The following PXDNL variants were observed in gnomAD, a reference collection of about 807,000 sequenced individuals.
The protein encoded by PXDNL is probable oxidoreductase PXDNL.
A neutral mutation model predicts 150.8 loss-of-function variants in PXDNL; 145 were observed. The ratio of observed to expected loss-of-function variants is 0.96; its 90% CI spans 0.84 to 1.10. The LOEUF is 1.10. PXDNL is among the 50% of genes least tolerant of loss of function. PXDNL has a pLI of 0.00. For synonymous variants in PXDNL, 757 were observed against 725.7 expected, an observed-to-expected ratio of 1.04 and a Z score of -0.69; for missense variants, 2,087 against 1,873.9, an observed-to-expected ratio of 1.11 and a Z score of -2.10.
chr8:51,671,838 A>G (rs1027444283), intron 1 of PXDNL, among the ~76,000 whole-genome samples: 3 of 152,074 alleles, frequency 2.0e-5, no homozygotes, highest in Non-Finnish European at 4.4e-5. Context: ...CCTATCTCAC[A>G]CTCACCAGTA....
chr8:51,403,908 C>T (rs960353347), intron 17 of PXDNL, among the ~76,000 whole-genome samples: 8 of 152,102 alleles, frequency 5.3e-5, no homozygotes, highest in African/African-American at 1.7e-4. Flanking sequence ...GTGGTGTGTC[C>T]GGAGTTTGTT....
At chr8:51,541,511 G>A (rs887953071) in intron 4 of PXDNL, among the ~76,000 whole-genome samples, 7 of 152,044 alleles carry the variant, frequency 4.6e-5, no homozygotes, top group African/African-American at 1.7e-4. Context: ...GGAAGTTTTT[G>A]GCCCAGGAAT....
At position 51,411,309 on chromosome 8, in the gene PXDNL, G is replaced by T. The variant is rs182469284; in HGVS notation, c.2003C>A (p.Thr668Lys). The change falls in exon 16 of 23, where the codon ACG (threonine) becomes AAG (lysine). Residue 668 changes from threonine to lysine, a missense_variant. Coordinates refer to ENST00000356297, the MANE Select transcript of PXDNL (RefSeq NM_144651.5). ...CACACGTTCCCGTATCAGCTGCAGC[G>T]TGTGCTCAAAAATCTCCCCTGCTCT... ...MARAGEIFEH[T>K]LQLIRERVKQ... The T allele has an allele frequency of 6.3e-7, 1 of 1,577,194 alleles. No homozygotes were observed. The highest frequency in any genetic ancestry group is 8.6e-7 in the Non-Finnish European group (1 of 1,164,562).
At chr8:51,773,764 A>G (rs1252157559) in intron 1 of PXDNL, among the ~76,000 whole-genome samples, 6 of 152,246 alleles carry the variant, frequency 3.9e-5, no homozygotes, top group African/African-American at 1.4e-4. Flanking sequence ...TTCACATTGA[A>G]AAGTCCTTCC....
intron 1 of PXDNL, among the ~76,000 whole-genome samples, chr8:51,766,743 T>TTTA: frequency 6.6e-6 from 1 of 151,464 alleles, no homozygotes; most frequent in East Asian, 1.9e-4. Flanking sequence ...ATCTTTTTTT[T>TTTA]AAAAAAAAAA....
intron 1 of PXDNL, among the ~76,000 whole-genome samples, chr8:51,719,442 G>A (rs1816683341): frequency 6.6e-6 from 1 of 152,140 alleles, no homozygotes; most frequent in Non-Finnish European, 1.5e-5. Flanking sequence ...CTTGAAGGCA[G>A]CATGCTCTTT....
chr8:51,510,958 G>A (rs895666409), intron 4 of PXDNL, among the ~76,000 whole-genome samples: 17 of 152,166 alleles, frequency 1.1e-4, no homozygotes, highest in African/African-American at 3.9e-4. Context: ...TCAGTCAAAG[G>A]TGGTACAATG....
intron 4 of PXDNL, among the ~76,000 whole-genome samples, chr8:51,537,782 A>G (rs941046205): frequency 6.6e-6 from 1 of 152,200 alleles, no homozygotes. Flanking sequence ...CTAGAATTGC[A>G]CAGAAGAGGG....
intron 3 of PXDNL, among the ~76,000 whole-genome samples, chr8:51,559,336 C>T (rs5002672): frequency 7.4e-6 from 1 of 135,220 alleles, no homozygotes; most frequent in Non-Finnish European, 1.6e-5. Context: ...CCAAACCCCC[C>T]CCCCCCCCGC....
chr8:51,567,330 T>C (rs920675422), intron 3 of PXDNL, among the ~76,000 whole-genome samples: 1 of 151,798 alleles, frequency 6.6e-6, no homozygotes, highest in South Asian at 2.1e-4. Context: ...CTTACTAGTT[T>C]TCTGCCTGCT....
chr8:51,635,194 AC>A (rs1814581180), intron 2 of PXDNL, among the ~76,000 whole-genome samples: 1 of 152,132 alleles, frequency 6.6e-6, no homozygotes, highest in African/African-American at 2.4e-5. Context: ...AAACAAAAAT[AC>A]TATATACCAA....
intron 3 of PXDNL, among the ~76,000 whole-genome samples, chr8:51,570,897 T>C (rs1351257904): frequency 2.0e-5 from 3 of 151,880 alleles, no homozygotes; most frequent in Non-Finnish European, 2.9e-5. Flanking sequence ...TATGCAATAG[T>C]AGCTAAATAG....
chr8:51,378,417 C>G (rs939949204), intron 17 of PXDNL, among the ~76,000 whole-genome samples: 4 of 152,202 alleles, frequency 2.6e-5, no homozygotes, highest in African/African-American at 7.2e-5. Context: ...TTGTGCCTAG[C>G]TCAGGGATTG....
intron 1 of PXDNL, among the ~76,000 whole-genome samples, chr8:51,676,346 G>A (rs1174487119): frequency 6.6e-6 from 1 of 151,572 alleles, no homozygotes; most frequent in Non-Finnish European, 1.5e-5. Context: ...GCATGATTTC[G>A]GCTCACCACA....
At chr8:51,377,951 G>A (rs1057381318) in intron 17 of PXDNL, among the ~76,000 whole-genome samples, 9 of 152,258 alleles carry the variant, frequency 5.9e-5, no homozygotes, top group Admixed American at 3.3e-4. Context: ...GCAGCCCCGT[G>A]CGGTATCCAC....
chr8:51,749,645 G>A (rs1221753624), intron 1 of PXDNL, among the ~76,000 whole-genome samples: 1 of 152,168 alleles, frequency 6.6e-6, no homozygotes, highest in African/African-American at 2.4e-5. Context: ...GGACATTACT[G>A]TACGCTACTG....
intron 1 of PXDNL, among the ~76,000 whole-genome samples, chr8:51,759,127 G>A (rs543650789): frequency 3.3e-5 from 5 of 152,224 alleles, no homozygotes; most frequent in African/African-American, 1.2e-4. Flanking sequence ...GGCTCCCAGG[G>A]GTTCTTTGTT....
chr8:51,331,421 G>A (rs1465252582), intron 21 of PXDNL, among the ~76,000 whole-genome samples: 1 of 152,200 alleles, frequency 6.6e-6, no homozygotes, highest in African/African-American at 2.4e-5. Flanking sequence ...AACCGCACTG[G>A]AGAGAAGGAC....
In PXDNL at chr8:51,782,780, A is replaced by G. The variant is rs979524567; in HGVS notation, c.164+26401T>C. The stretch of plus-strand genomic sequence containing the variant: ...CATGAAGCCAAGTTATCTAACAACA[A>G]TCTTCTGGGGTTAACATAACCTTAT... On this transcript the variant is annotated intron_variant, in intron 1 of 22. Transcript: ENST00000356297. Among the ~76,000 whole-genome samples, 8 of 152,194 alleles carry G rather than the reference A, an allele frequency of 5.3e-5. No individual in the cohort carries two copies. The East Asian group carries it at 5.8e-4, about 11-fold the overall frequency.
Sources: allele counts gnomAD v4.1 joint callset (sites outside exome capture counted in the v4.1 genomes callset), GRCh38; gene constraint gnomAD v4.1.1; transcripts MANE v1.5; gene names NCBI Gene and HGNC (gene_info 2026-07-23, HGNC 2026-07-21).